Variants in RGS7 observed in about 807,000 individuals in gnomAD.
RGS7 encodes the protein regulator of G-protein signaling 7.
A neutral mutation model predicts 81.1 loss-of-function variants in RGS7; 27 were observed. The observed-to-expected ratio is 0.33, with a 90% CI of 0.25 to 0.46. RGS7 has a LOEUF of 0.46. Among genes scored for constraint, RGS7 ranks in the 20% least tolerant of loss-of-function variants. RGS7 has a pLI of 1.00. For missense variants in RGS7, 396 were observed against 607.4 expected (o/e 0.65, Z 3.66); for synonymous variants, 208 against 207.7 (o/e 1.00, Z -0.01).
In RGS7 at chr1:240,828,204, G is replaced by A. The variant is rs149951937; in HGVS notation, c.610-1032C>T. On this transcript the variant is annotated intron_variant, in intron 9 of 18. Coordinates refer to ENST00000440928, the MANE Select transcript of RGS7 (RefSeq NM_001364886.1). ...ATAGGCAGCCTGCTGTTAGCTTCCT[G>A]ACAACCTCAGGTGTCTCATTTGTCA... Among the ~76,000 whole-genome samples, 1,091 of 152,236 alleles carry A rather than the reference G, an allele frequency of 7.2e-3. 8 individuals are homozygous for A. Among genetic ancestry groups the A allele is most frequent in the South Asian group, 9.3e-3 (45 of 4,818 alleles).
intron 3 of RGS7, among the ~76,000 whole-genome samples, chr1:241,042,951 G>A (rs1306506550): frequency 1.5e-5 from 2 of 137,824 alleles, no homozygotes; most frequent in African/African-American, 5.6e-5. Context: ...GCGATACTCC[G>A]TCTCAAAAAA....
intron 18 of RGS7, among the ~76,000 whole-genome samples, chr1:240,785,740 A>C (rs1308889554): frequency 6.6e-6 from 1 of 152,190 alleles, no homozygotes; most frequent in Non-Finnish European, 1.5e-5. Context: ...AATATTTTCA[A>C]GTAGGCAGGT....
intron 2 of RGS7, among the ~76,000 whole-genome samples, chr1:241,204,799 G>A (rs2073768215): frequency 6.6e-6 from 1 of 151,824 alleles, no homozygotes; most frequent in Admixed American, 6.6e-5. Context: ...ACATAGAGCA[G>A]CAATTATGTG....
chr1:241,323,439 G>A (rs2081321049), intron 2 of RGS7, among the ~76,000 whole-genome samples: 2 of 152,216 alleles, frequency 1.3e-5, no homozygotes, highest in Admixed American at 1.3e-4. Flanking sequence ...TGACCCCGTT[G>A]TAGGAATAAG....
intron 6 of RGS7, among the ~76,000 whole-genome samples, chr1:240,925,897 G>C (rs949411787): frequency 6.6e-6 from 1 of 152,080 alleles, no homozygotes; most frequent in African/African-American, 2.4e-5. Context: ...GCATTTTCTT[G>C]TATGTTTGCT....
intron 3 of RGS7, among the ~76,000 whole-genome samples, chr1:241,025,111 T>C (rs2059722557): frequency 6.6e-6 from 1 of 152,162 alleles, no homozygotes; most frequent in Non-Finnish European, 1.5e-5. Context: ...AGAGACAAAT[T>C]TCAATTTATG....
intron 2 of RGS7, among the ~76,000 whole-genome samples, chr1:241,123,745 C>T (rs2066456495): frequency 6.6e-6 from 1 of 151,912 alleles, no homozygotes; most frequent in Non-Finnish European, 1.5e-5. Flanking sequence ...GAGTGAAACT[C>T]CATTTCAAAA....
intron 9 of RGS7, among the ~76,000 whole-genome samples, chr1:240,844,833 A>T (rs1658768349): frequency 6.6e-6 from 1 of 152,230 alleles, no homozygotes; most frequent in Admixed American, 6.5e-5. Flanking sequence ...AAAACAGCTC[A>T]AGGTATCAGT....
At position 241,122,306 on chromosome 1, in the gene RGS7, C is replaced by T. The variant is rs72758859; in HGVS notation, c.79-23544G>A. Among the ~76,000 whole-genome samples the T allele has an allele frequency of 9.1e-3, 1,385 of 152,240 alleles. 16 individuals are homozygous for T. The highest frequency in any genetic ancestry group is 0.014 in the Middle Eastern group (4 of 294). On this transcript the variant is annotated intron_variant, in intron 2 of 18. Coordinates refer to ENST00000440928, the MANE Select transcript of RGS7 (RefSeq NM_001364886.1). ...GATGCCTAGTGTGTACCACAGATAC[C>T]ACAGGGTTATGTCCTGATAAACTCA...
intron 9 of RGS7, among the ~76,000 whole-genome samples, chr1:240,850,931 T>C (rs1649560852): frequency 6.6e-6 from 1 of 152,144 alleles, no homozygotes. Context: ...AGAAAAAAAG[T>C]TGGAAACTAG....
At chr1:240,977,534 C>T (rs1684317874) in intron 4 of RGS7, among the ~76,000 whole-genome samples, 1 of 152,114 alleles carries the variant, frequency 6.6e-6, no homozygotes, top group Non-Finnish European at 1.5e-5. Flanking sequence ...ACTATCAATG[C>T]CACAAACAAA....
intron 2 of RGS7, among the ~76,000 whole-genome samples, chr1:241,173,048 A>G (rs2070844780): frequency 6.6e-6 from 1 of 152,194 alleles, no homozygotes; most frequent in Non-Finnish European, 1.5e-5. Flanking sequence ...GGTATCTTCA[A>G]TACAGTTTCC....
intron 2 of RGS7, among the ~76,000 whole-genome samples, chr1:241,175,659 G>A (rs1370885364): frequency 6.6e-6 from 1 of 152,190 alleles, no homozygotes; most frequent in Non-Finnish European, 1.5e-5. Context: ...AGTGTGCAGA[G>A]CCATGGTGGA....
At chr1:240,934,995 TC>T (rs1676376041) in intron 5 of RGS7, among the ~76,000 whole-genome samples, 1 of 150,726 alleles carries the variant, frequency 6.6e-6, no homozygotes, top group Non-Finnish European at 1.5e-5. Flanking sequence ...TTCAAGCTAT[TC>T]TCCTGCCTCA....
intron 2 of RGS7, among the ~76,000 whole-genome samples, chr1:241,260,910 T>C (rs1469636237): frequency 1.0e-5 from 1 of 100,352 alleles, no homozygotes; most frequent in Non-Finnish European, 1.9e-5. Flanking sequence ...CATCACACTC[T>C]GGGGACTGTT....
intron 6 of RGS7, among the ~76,000 whole-genome samples, chr1:240,873,563 T>G (rs1664851435): frequency 6.6e-6 from 1 of 152,144 alleles, no homozygotes; most frequent in Admixed American, 6.6e-5. Context: ...AAAGTCAAAG[T>G]TTCTGGATCC....
At chr1:240,894,191 T>A (rs1185634711) in intron 6 of RGS7, among the ~76,000 whole-genome samples, 1 of 152,218 alleles carries the variant, frequency 6.6e-6, no homozygotes, top group African/African-American at 2.4e-5. Flanking sequence ...ATTCTTTTGC[T>A]GCTTTAAAAT....
At chr1:241,261,207 C>T (rs1378660553) in intron 2 of RGS7, among the ~76,000 whole-genome samples, 2 of 152,072 alleles carry the variant, frequency 1.3e-5, no homozygotes, top group East Asian at 1.9e-4. Context: ...GGGAAGAGGG[C>T]CCTGCTGGTG....
At chr1:241,008,418 G>C (rs915495728) in intron 3 of RGS7, among the ~76,000 whole-genome samples, 3 of 152,124 alleles carry the variant, frequency 2.0e-5, no homozygotes, top group Non-Finnish European at 4.4e-5. Context: ...CAGTAAACCT[G>C]GGTTGGGAGC....
Sources: allele counts gnomAD v4.1 joint callset (sites outside exome capture counted in the v4.1 genomes callset), GRCh38; gene constraint gnomAD v4.1.1; transcripts MANE v1.5; gene names NCBI Gene and HGNC (gene_info 2026-07-23, HGNC 2026-07-21).